The following KCNQ5 variants were observed in gnomAD, a reference collection of about 807,000 sequenced individuals.
KCNQ5 encodes potassium voltage-gated channel subfamily Q member 5, also known as potassium voltage-gated channel subfamily KQT member 5.
KCNQ5 carries 30 observed loss-of-function variants against 98.2 expected under a neutral mutation model. The observed-to-expected ratio is 0.31, with a 90% CI of 0.23 to 0.41. The LOEUF (loss-of-function observed/expected upper bound fraction) is 0.41. KCNQ5 is among the 10% of genes least tolerant of loss of function. The pLI, the probability that KCNQ5 is intolerant of heterozygous loss-of-function variation, is 1.00. For missense variants in KCNQ5, 835 were observed against 1,182.5 expected (o/e 0.71, Z 4.31); for synonymous variants, 458 against 449.4 (o/e 1.02, Z -0.24).
intron 1 of KCNQ5, among the ~76,000 whole-genome samples, chr6:72,744,817 A>AT (rs1235558749): frequency 1.3e-5 from 2 of 152,118 alleles, no homozygotes; most frequent in Non-Finnish European, 2.9e-5. Context: ...CTAAAAAAAA[A>AT]AAGAAAAAGA....
At chr6:73,153,207 A>C (rs904124270) in intron 10 of KCNQ5, among the ~76,000 whole-genome samples, 1 of 152,258 alleles carries the variant, frequency 6.6e-6, no homozygotes, top group Middle Eastern at 3.4e-3. Flanking sequence ...CAGTGTTGGC[A>C]TAGGGTTTTC....
intron 2 of KCNQ5, among the ~76,000 whole-genome samples, chr6:73,016,050 T>C (rs772320795): frequency 2.0e-5 from 3 of 152,142 alleles, no homozygotes; most frequent in Non-Finnish European, 2.9e-5. Flanking sequence ...ATCTCTGTTC[T>C]CATGGAGCTA....
At chr6:72,957,128 T>C (rs1453020534) in intron 1 of KCNQ5, among the ~76,000 whole-genome samples, 1 of 150,586 alleles carries the variant, frequency 6.6e-6, no homozygotes, top group Admixed American at 6.7e-5. Context: ...AGGGTGGACC[T>C]AGAGCAGTAG....
intron 10 of KCNQ5, among the ~76,000 whole-genome samples, chr6:73,164,375 CA>C (rs944339302): frequency 6.6e-6 from 1 of 151,704 alleles, no homozygotes; most frequent in Non-Finnish European, 1.5e-5. Context: ...TACACCTACC[CA>C]AAAAAAAGCA....
At chr6:72,712,021 A>T (rs1769395107) in intron 1 of KCNQ5, among the ~76,000 whole-genome samples, 1 of 152,204 alleles carries the variant, frequency 6.6e-6, no homozygotes, top group Admixed American at 6.5e-5. Context: ...TAATCAAAAT[A>T]TGCTACAGTT....
chr6:72,942,016 T>C (rs73753218), intron 1 of KCNQ5, among the ~76,000 whole-genome samples: 2,752 of 152,148 alleles, frequency 0.018, 81 homozygotes, highest in African/African-American at 0.063. Context: ...ACCCAACCCA[T>C]AAGTGGGGAA....
chr6:72,922,455 T>G (rs997425129), intron 1 of KCNQ5, among the ~76,000 whole-genome samples: 2 of 152,146 alleles, frequency 1.3e-5, no homozygotes, highest in African/African-American at 4.8e-5. Flanking sequence ...AATTTTCAAG[T>G]AGGCAGTACA....
intron 8 of KCNQ5, among the ~76,000 whole-genome samples, chr6:73,120,911 G>A (rs184102266): frequency 3.9e-5 from 6 of 152,248 alleles, no homozygotes; most frequent in African/African-American, 1.2e-4. Context: ...GAAAAACAAG[G>A]ATTATTTATT....
At position 73,012,262 on chromosome 6, in the gene KCNQ5, A is replaced by G. The variant is rs1174045610; in HGVS notation, c.489+8264A>G. Among the ~76,000 whole-genome samples, 2 of 152,128 alleles carry G rather than the reference A, an allele frequency of 1.3e-5. 1 individual carries two copies. The highest frequency in any genetic ancestry group is 2.9e-5 in the Non-Finnish European group (2 of 67,994). On this transcript the variant is annotated intron_variant, in intron 2 of 13. Coordinates refer to ENST00000370398, the MANE Select transcript of KCNQ5 (RefSeq NM_019842.4). ...CGGATAAGCAAAATATGGCATATAC[A>G]TACAAAAAAAGTATTCACCCTTAAA...
intron 1 of KCNQ5, among the ~76,000 whole-genome samples, chr6:72,976,603 G>A (rs1768169202): frequency 1.3e-5 from 2 of 152,176 alleles, no homozygotes; most frequent in African/African-American, 2.4e-5. Flanking sequence ...TTTCTCGGTT[G>A]TGGATGGGCA....
chr6:72,974,844 A>G (rs934986888), intron 1 of KCNQ5, among the ~76,000 whole-genome samples: 1 of 151,834 alleles, frequency 6.6e-6, no homozygotes, highest in Admixed American at 6.6e-5. Flanking sequence ...GGTTCAAGCA[A>G]TTCTCCTGCC....
At chr6:73,101,289 C>T (rs185064607) in intron 5 of KCNQ5, among the ~76,000 whole-genome samples, 20 of 152,154 alleles carry the variant, frequency 1.3e-4, no homozygotes, top group Non-Finnish European at 2.6e-4. Flanking sequence ...GATCATCCAT[C>T]ATGACCAAGT....
intron 1 of KCNQ5, among the ~76,000 whole-genome samples, chr6:72,779,265 C>T (rs1773327410): frequency 6.6e-6 from 1 of 151,986 alleles, no homozygotes; most frequent in African/African-American, 2.4e-5. Flanking sequence ...AAGGAGAGGC[C>T]CAGGCCAGGG....
chr6:72,955,722 C>A lies in KCNQ5; in HGVS notation c.399-48186C>A, dbSNP rs76830673. On this transcript the variant is annotated intron_variant, in intron 1 of 13. Coordinates refer to ENST00000370398, the MANE Select transcript of KCNQ5 (RefSeq NM_019842.4). ...TGTACTTTGAAAACATTGTGATGCACCAAAGTAACATAAAACTGGGTCTTC... is the reference window on the plus strand; with the variant it reads ...TGTACTTTGAAAACATTGTGATGCAACAAAGTAACATAAAACTGGGTCTTC... 8.1e-3 allele frequency among the ~76,000 whole-genome samples: 1,238 copies of A among 152,154 alleles called. 16 individuals carry two copies. The highest frequency in any genetic ancestry group is 0.028 in the African/African-American group (1,180 of 41,510).
chr6:72,841,890 T>C (rs1266138259), intron 1 of KCNQ5, among the ~76,000 whole-genome samples: 2 of 152,152 alleles, frequency 1.3e-5, no homozygotes, highest in Non-Finnish European at 2.9e-5. Context: ...GCATAAAACA[T>C]GTACCAAAAA....
intron 1 of KCNQ5, among the ~76,000 whole-genome samples, chr6:72,902,224 G>A (rs918057527): frequency 6.6e-6 from 1 of 152,158 alleles, no homozygotes; most frequent in African/African-American, 2.4e-5. Flanking sequence ...TCTTTTATCA[G>A]TTCTAGGAAC....
chr6:72,978,157 C>A (rs544061435), intron 1 of KCNQ5, among the ~76,000 whole-genome samples: 1 of 152,194 alleles, frequency 6.6e-6, no homozygotes, highest in South Asian at 2.1e-4. Context: ...TAAATGCTCT[C>A]CTGTTGCACA....
chr6:72,975,399 T>C (rs1029986376), intron 1 of KCNQ5, among the ~76,000 whole-genome samples: 21 of 152,304 alleles, frequency 1.4e-4, no homozygotes, highest in African/African-American at 5.1e-4. Flanking sequence ...GTTTGTGTTG[T>C]CTAGTGTCCA....
rs200596406 is a variant in KCNQ5 at position 73,077,756 on chromosome 6, A to G, written c.793-6A>G. On this transcript the variant is annotated splice_polypyrimidine_tract_variant and splice_region_variant and intron_variant, in intron 4 of 13. Coordinates refer to ENST00000370398, the MANE Select transcript of KCNQ5 (RefSeq NM_019842.4). ...TCTAAAAATCTTTCATTCCTTTTAT[A>G]TCTAGGAATTAATCACAGCTTGGTA... 1.9e-6 allele frequency: 3 copies of G among 1,601,248 alleles called. No homozygotes were observed. Among genetic ancestry groups the G allele is most frequent in the African/African-American group, 1.3e-5 (1 of 74,178 alleles).
Sources: gnomAD v4.1 joint callset for allele counts (sites outside exome capture counted in the v4.1 genomes callset) on GRCh38, gnomAD v4.1.1 for gene constraint, MANE v1.5 for transcripts, NCBI Gene and HGNC (gene_info 2026-07-23, HGNC 2026-07-21) for gene names.